The following KALRN variants were observed in gnomAD, a reference collection of about 807,000 sequenced individuals.
The protein encoded by KALRN is kalirin RhoGEF kinase, also known as kalirin.
A neutral mutation model predicts 353.7 loss-of-function variants in KALRN; 70 were observed. That is an observed-to-expected ratio of 0.20 (90% CI 0.16 to 0.24). The LOEUF (loss-of-function observed/expected upper bound fraction) is 0.24. KALRN is among the 10% of genes least tolerant of loss of function. KALRN has a pLI of 1.00. For synonymous variants in KALRN, 1,391 were observed against 1,434.8 expected, an observed-to-expected ratio of 0.97 and a Z score of 0.69; for missense variants, 2,791 against 3,756.7, an observed-to-expected ratio of 0.74 and a Z score of 6.72.
intron 33 of KALRN, among the ~76,000 whole-genome samples, chr3:124,517,396 A>G (rs1168537249): frequency 1.3e-5 from 2 of 152,088 alleles, no homozygotes; most frequent in African/African-American, 4.8e-5. Context: ...TCTCATTTCC[A>G]TGCGGCAAGT....
intron 1 of KALRN, among the ~76,000 whole-genome samples, chr3:124,056,120 C>T (rs2041516151): frequency 1.3e-5 from 2 of 152,228 alleles, no homozygotes; most frequent in African/African-American, 4.8e-5. Context: ...ACCCTGTGTT[C>T]TTTAACCTCC....
chr3:124,259,184 A>G (rs894970432), intron 3 of KALRN, among the ~76,000 whole-genome samples: 3 of 152,172 alleles, frequency 2.0e-5, no homozygotes, highest in Admixed American at 6.5e-5. Context: ...AATGCATCAC[A>G]CTTCAGAGTT....
At chr3:124,313,851 A>G (rs534705878) in intron 6 of KALRN, among the ~76,000 whole-genome samples, 1 of 152,342 alleles carries the variant, frequency 6.6e-6, no homozygotes, top group Non-Finnish European at 1.5e-5. Flanking sequence ...CTCTAAAGTT[A>G]TCAAATAATT....
At chr3:124,494,939 G>A (rs1418132145) in intron 32 of KALRN, among the ~76,000 whole-genome samples, 2 of 152,158 alleles carry the variant, frequency 1.3e-5, no homozygotes, top group Non-Finnish European at 2.9e-5. Context: ...GTCATTTCCT[G>A]TGCTAATTCA....
At chr3:124,556,046 AAG>A (rs758339440) in intron 33 of KALRN, among the ~76,000 whole-genome samples, 2 of 152,140 alleles carry the variant, frequency 1.3e-5, no homozygotes, top group Non-Finnish European at 2.9e-5. Context: ...AGGTATGAAG[AAG>A]GGAAGGGGTT....
chr3:124,264,019 C>G (rs1383527202), intron 3 of KALRN, among the ~76,000 whole-genome samples: 1 of 151,468 alleles, frequency 6.6e-6, no homozygotes, highest in Non-Finnish European at 1.5e-5. Flanking sequence ...TAGCTCCTAT[C>G]CAAAATGCTT....
At chr3:124,633,732 C>T (rs2081050848) in intron 35 of KALRN, 120 bp from the exon 36 acceptor site, 1 of 774,478 alleles carries the variant, frequency 1.3e-6, no homozygotes. Flanking sequence ...TGCGACTGAA[C>T]AGTTAAGAGT....
intron 1 of KALRN, among the ~76,000 whole-genome samples, chr3:124,169,397 A>C (rs141695412): frequency 1.1e-4 from 17 of 152,276 alleles, no homozygotes; most frequent in Non-Finnish European, 2.2e-4. Flanking sequence ...AAGGGCTCAC[A>C]GGAATGGAAC....
At chr3:124,145,892 A>C (rs2067265517) in intron 1 of KALRN, among the ~76,000 whole-genome samples, 1 of 152,238 alleles carries the variant, frequency 6.6e-6, no homozygotes, top group African/African-American at 2.4e-5. Context: ...GAATGCAGGC[A>C]AACAGGGAGG....
At chr3:124,667,588 G>A (rs2085804038) in intron 47 of KALRN, among the ~76,000 whole-genome samples, 1 of 152,162 alleles carries the variant, frequency 6.6e-6, no homozygotes, top group Non-Finnish European at 1.5e-5. Flanking sequence ...ATGAGAGTTT[G>A]ACCAATCAGT....
chr3:124,712,690 A>G (rs2062950417), intron 57 of KALRN, among the ~76,000 whole-genome samples: 1 of 149,302 alleles, frequency 6.7e-6, no homozygotes, highest in Non-Finnish European at 1.5e-5. Context: ...TATTACATAT[A>G]AAAATATAAT....
intron 30 of KALRN, 115 bp downstream of exon 30, chr3:124,490,999 C>T (rs1350080295): frequency 1.1e-6 from 1 of 904,426 alleles, no homozygotes; most frequent in African/African-American, 1.7e-5. Context: ...CCAAAACCAT[C>T]CTGGACAAAT....
chr3:124,314,906 C>T (rs1345404376), intron 6 of KALRN, among the ~76,000 whole-genome samples: 1 of 152,196 alleles, frequency 6.6e-6, no homozygotes, highest in East Asian at 1.9e-4. Flanking sequence ...CCACCTTGGC[C>T]TCCCAAAGTG....
At chr3:124,303,013 T>C (rs1266893326) in intron 6 of KALRN, among the ~76,000 whole-genome samples, 1 of 152,184 alleles carries the variant, frequency 6.6e-6, no homozygotes, top group Non-Finnish European at 1.5e-5. Flanking sequence ...CTTCAACATA[T>C]AAATTTTGGG....
intron 1 of KALRN, among the ~76,000 whole-genome samples, chr3:124,137,847 T>G (rs1359124656): frequency 6.6e-6 from 1 of 152,106 alleles, no homozygotes; most frequent in Non-Finnish European, 1.5e-5. Context: ...GCCATCTGAA[T>G]GTAATAGTGT....
At chr3:124,045,871 G>T (rs1271518699) in intron 1 of KALRN, among the ~76,000 whole-genome samples, 1 of 152,160 alleles carries the variant, frequency 6.6e-6, no homozygotes, top group Admixed American at 6.5e-5. Flanking sequence ...TGGGCGTGGG[G>T]AAGATTCATT....
chr3:124,167,038 C>G (rs542203100), intron 1 of KALRN, among the ~76,000 whole-genome samples: 1 of 152,192 alleles, frequency 6.6e-6, no homozygotes, highest in South Asian at 2.1e-4. Context: ...GAGCAAGACT[C>G]CATCTCAAAA....
intron 1 of KALRN, among the ~76,000 whole-genome samples, chr3:124,098,875 G>A (rs866816478): frequency 2.6e-5 from 4 of 152,194 alleles, no homozygotes; most frequent in African/African-American, 9.7e-5. Context: ...TTAAAATAGT[G>A]ACAGAAGTAC....
intron 34 of KALRN, among the ~76,000 whole-genome samples, chr3:124,631,671 C>T: frequency 6.6e-6 from 1 of 152,192 alleles, no homozygotes; most frequent in East Asian, 1.9e-4. Flanking sequence ...AACCAGTTTC[C>T]CTATTTCCAC....
Sources: gnomAD v4.1 joint callset for allele counts (sites outside exome capture counted in the v4.1 genomes callset) on GRCh38, gnomAD v4.1.1 for gene constraint, MANE v1.5 for transcripts, NCBI Gene and HGNC (gene_info 2026-07-23, HGNC 2026-07-21) for gene names.